Variants in GALNT13 observed in about 807,000 individuals in gnomAD.
The protein encoded by GALNT13 is polypeptide N-acetylgalactosaminyltransferase 13.
A neutral mutation model predicts 64.2 loss-of-function variants in GALNT13; 28 were observed. The observed-to-expected ratio is 0.44, with a 90% CI of 0.32 to 0.60. GALNT13 has a LOEUF of 0.60. Ranked by LOEUF, GALNT13 falls within the 20% of genes least tolerant of loss-of-function variation. The pLI is 0.05. For synonymous variants in GALNT13, 214 were observed against 224.6 expected (o/e 0.95, Z 0.42); for missense variants, 577 against 669.8 (o/e 0.86, Z 1.53).
chr2:154,130,678 C>G (rs893484345), intron 3 of GALNT13, among the ~76,000 whole-genome samples: 2 of 152,114 alleles, frequency 1.3e-5, no homozygotes, highest in Non-Finnish European at 2.9e-5. Flanking sequence ...TAAAATGTTA[C>G]ATCCAGAAAT....
At chr2:153,326,871 G>T in the GALNT13 span, among the ~76,000 whole-genome samples, 10 of 152,124 alleles carry the variant, frequency 6.6e-5, no homozygotes, top group Non-Finnish European at 1.3e-4. Flanking sequence ...GGATCATGAG[G>T]TCAGGAGTTT....
chr2:153,331,091 A>G, the GALNT13 span, among the ~76,000 whole-genome samples: 1 of 152,172 alleles, frequency 6.6e-6, no homozygotes, highest in East Asian at 1.9e-4. Flanking sequence ...ATTTGCATAT[A>G]TTGAACCAAC....
At chr2:153,262,514 A>G in the GALNT13 span, among the ~76,000 whole-genome samples, 20,134 of 152,256 alleles carry the variant, frequency 0.13, 1,663 homozygotes, top group Non-Finnish European at 0.18. Context: ...ACTTTAGGCC[A>G]GTATCCGTGA....
At chr2:153,116,552 C>G in the GALNT13 span, among the ~76,000 whole-genome samples, 2 of 152,080 alleles carry the variant, frequency 1.3e-5, no homozygotes, top group Non-Finnish European at 2.9e-5. Flanking sequence ...ATACCTTAAT[C>G]ACTTACATTA....
the GALNT13 span, among the ~76,000 whole-genome samples, chr2:153,517,682 G>T: frequency 6.6e-6 from 1 of 152,142 alleles, no homozygotes; most frequent in Non-Finnish European, 1.5e-5. Flanking sequence ...CCTCACAGTA[G>T]AATTTCCATT....
chr2:153,738,803 A>C, the GALNT13 span, among the ~76,000 whole-genome samples: 1 of 151,940 alleles, frequency 6.6e-6, no homozygotes, highest in Non-Finnish European at 1.5e-5. Context: ...CTTAGTATAC[A>C]ATCCTGGAGT....
chr2:153,176,883 A>AT, the GALNT13 span, among the ~76,000 whole-genome samples: 1 of 152,014 alleles, frequency 6.6e-6, no homozygotes, highest in Admixed American at 6.5e-5. Flanking sequence ...TTTTTAAATG[A>AT]TAAAAAAAAC....
chr2:153,192,449 CAT>C, the GALNT13 span, among the ~76,000 whole-genome samples: 549 of 152,140 alleles, frequency 3.6e-3, 1 homozygote, highest in African/African-American at 0.013. Context: ...TGTGGCCTAA[CAT>C]GTGGTCTATC....
chr2:153,984,987 T>C (rs955012502), intron 3 of GALNT13, among the ~76,000 whole-genome samples: 2 of 151,962 alleles, frequency 1.3e-5, no homozygotes, highest in Non-Finnish European at 2.9e-5. Context: ...CTGTTGCTGA[T>C]GTTTTCATTT....
chr2:153,384,521 A>G, the GALNT13 span, among the ~76,000 whole-genome samples: 1 of 151,994 alleles, frequency 6.6e-6, no homozygotes, highest in African/African-American at 2.4e-5. Context: ...TTCAAAGGAG[A>G]TGCCTGCCAC....
At chr2:154,117,497 CAT>C (rs1342002964) in intron 3 of GALNT13, among the ~76,000 whole-genome samples, 1 of 141,872 alleles carries the variant, frequency 7.0e-6, no homozygotes, top group Admixed American at 6.7e-5. Context: ...TTAGCTCCAA[CAT>C]ATGAGTGAGA....
At chr2:153,251,545 G>A in the GALNT13 span, among the ~76,000 whole-genome samples, 1 of 151,714 alleles carries the variant, frequency 6.6e-6, no homozygotes, top group Non-Finnish European at 1.5e-5. Flanking sequence ...ATGTATACAT[G>A]TGCCATGCTG....
chr2:154,431,441 GA>G (rs148847755), intron 11 of GALNT13, among the ~76,000 whole-genome samples: 60 of 151,746 alleles, frequency 4.0e-4, no homozygotes, highest in Admixed American at 2.2e-3. Context: ...ATACAACTGG[GA>G]AAAAAAATGT....
intron 9 of GALNT13, among the ~76,000 whole-genome samples, chr2:154,386,594 A>G (rs1251417748): frequency 2.0e-5 from 3 of 152,240 alleles, no homozygotes; most frequent in Middle Eastern, 3.4e-3. Flanking sequence ...ATGAAAACCA[A>G]TATCATAATT....
chr2:153,621,401 G>T, the GALNT13 span, among the ~76,000 whole-genome samples: 1 of 152,122 alleles, frequency 6.6e-6, no homozygotes, highest in East Asian at 1.9e-4. Context: ...CAGATCTGAA[G>T]CCAGAACAGC....
At chr2:153,340,823 A>G in the GALNT13 span, among the ~76,000 whole-genome samples, 1 of 152,342 alleles carries the variant, frequency 6.6e-6, no homozygotes, top group East Asian at 1.9e-4. Flanking sequence ...TTTGACATCT[A>G]TTAGCCAATT....
At chr2:154,173,769 A>G (rs1157781205) in intron 4 of GALNT13, among the ~76,000 whole-genome samples, 1 of 152,144 alleles carries the variant, frequency 6.6e-6, no homozygotes, top group African/African-American at 2.4e-5. Context: ...AAGGCCCTCA[A>G]GTATATGAAA....
chr2:153,943,095 A>C (rs1691455333), intron 2 of GALNT13, among the ~76,000 whole-genome samples: 1 of 152,214 alleles, frequency 6.6e-6, no homozygotes, highest in Admixed American at 6.5e-5. Context: ...TGATTTACTT[A>C]CTTTATAGAT....
chr2:154,124,276 A>T (rs943868632), intron 3 of GALNT13, among the ~76,000 whole-genome samples: 2 of 151,960 alleles, frequency 1.3e-5, no homozygotes, highest in Non-Finnish European at 2.9e-5. Flanking sequence ...AAAGAGAGAG[A>T]TATGTCCTTA....
Sources: allele counts gnomAD v4.1 joint callset (sites outside exome capture counted in the v4.1 genomes callset), GRCh38; gene constraint gnomAD v4.1.1; transcripts MANE v1.5; gene names NCBI Gene and HGNC (gene_info 2026-07-23, HGNC 2026-07-21).